The following ZCWPW2 variants were observed in gnomAD, a reference collection of about 807,000 sequenced individuals.
ZCWPW2 encodes the protein zinc finger CW-type and PWWP domain containing 2, also known as zinc finger CW-type PWWP domain protein 2.
In ZCWPW2, 45 loss-of-function variants were observed where a neutral mutation model predicts 46.6. The observed-to-expected ratio is 0.96, with a 90% CI of 0.76 to 1.24. The LOEUF is 1.24. Among genes scored for constraint, ZCWPW2 ranks in the 50% most tolerant of loss-of-function variants. ZCWPW2 has a pLI of 0.00. For synonymous variants in ZCWPW2, 152 were observed against 137.1 expected (o/e 1.11, Z -0.76); for missense variants, 429 against 403.9 (o/e 1.06, Z -0.53).
chr3:28,506,090 T>TC (rs1700267878), intron 6 of ZCWPW2, among the ~76,000 whole-genome samples: 1 of 147,166 alleles, frequency 6.8e-6, no homozygotes, highest in Non-Finnish European at 1.5e-5. Flanking sequence ...ATATATTATA[T>TC]ATATAATATA....
rs138057462 is a variant in ZCWPW2 at position 28,514,068 on chromosome 3, A to C, written c.662A>C (p.Gln221Pro). Reference protein sequence around the residue: ...KVAALVKKRKQTSKNNIEKKK... With the variant: ...KVAALVKKRKPTSKNNIEKKK... ...ATTTTTGTTTTTGTGTTATAGAAGCAGACTTCTAAAAATAATATTGAAAAG... is the reference window on the plus strand; with the variant it reads ...ATTTTTGTTTTTGTGTTATAGAAGCCGACTTCTAAAAATAATATTGAAAAG... The change falls in exon 7 of 10, where the codon CAG (glutamine) becomes CCG (proline). Residue 221 changes from glutamine to proline, a missense_variant. Physicochemically the swap from Gln to Pro is moderately conservative, Grantham distance 76. Coordinates refer to ENST00000383768, the MANE Select transcript of ZCWPW2 (RefSeq NM_001040432.4). 6.6e-7 allele frequency: 1 copy of C among 1,510,100 alleles called. No homozygotes were observed. Among genetic ancestry groups the C allele is most frequent in the South Asian group, 1.2e-5 (1 of 84,600 alleles). 93.5% of individuals were successfully genotyped at this position (1,510,100 alleles called of 1,614,324 possible). A position where few individuals can be genotyped will look rare whatever the true frequency, so the allele number is the denominator to read the frequency against.
chr3:28,369,182 C>T (rs1480510065), intron 1 of ZCWPW2, among the ~76,000 whole-genome samples: 1 of 152,198 alleles, frequency 6.6e-6, no homozygotes, highest in Admixed American at 6.5e-5. Context: ...CTCCATCCAG[C>T]GTTGTTCCGT....
intron 8 of ZCWPW2, among the ~76,000 whole-genome samples, chr3:28,517,307 A>G (rs1402999964): frequency 1.3e-5 from 2 of 152,222 alleles, no homozygotes; most frequent in Non-Finnish European, 2.9e-5. Context: ...TGGGTAATTT[A>G]TAAGAAAAGA....
intron 2 of ZCWPW2, among the ~76,000 whole-genome samples, chr3:28,402,371 A>G (rs1180826510): frequency 6.6e-6 from 1 of 152,176 alleles, no homozygotes; most frequent in Non-Finnish European, 1.5e-5. Context: ...GTTAGCTTAA[A>G]TCAGGAAGAA....
chr3:28,475,891 G>A (rs888000516), intron 4 of ZCWPW2, among the ~76,000 whole-genome samples: 6 of 151,976 alleles, frequency 3.9e-5, no homozygotes, highest in Non-Finnish European at 8.8e-5. Flanking sequence ...TTATTACAGA[G>A]CACTTATCAC....
At chr3:28,499,161 C>A (rs1700077244) in intron 6 of ZCWPW2, among the ~76,000 whole-genome samples, 1 of 152,028 alleles carries the variant, frequency 6.6e-6, no homozygotes. Flanking sequence ...GGGTATATAC[C>A]CAGTACTGGG....
At chr3:28,358,978 CAGAGA>C (rs1264810712) in intron 1 of ZCWPW2, among the ~76,000 whole-genome samples, 3 of 152,078 alleles carry the variant, frequency 2.0e-5, no homozygotes, top group Admixed American at 1.3e-4. Context: ...GTTTAAAGAT[CAGAGA>C]AAAGACTGAA....
chr3:28,438,553 G>A (rs575465830), intron 4 of ZCWPW2, among the ~76,000 whole-genome samples: 3 of 152,150 alleles, frequency 2.0e-5, no homozygotes, highest in Non-Finnish European at 4.4e-5. Context: ...ACAGCAAATT[G>A]TGGGGAAGAT....
intron 3 of ZCWPW2, among the ~76,000 whole-genome samples, chr3:28,431,819 A>G (rs1393074031): frequency 6.6e-6 from 1 of 152,194 alleles, no homozygotes; most frequent in East Asian, 1.9e-4. Context: ...GCTAATAAAG[A>G]CATACTTGAG....
intron 4 of ZCWPW2, among the ~76,000 whole-genome samples, chr3:28,460,061 C>A (rs1698567700): frequency 6.6e-6 from 1 of 152,026 alleles, no homozygotes; most frequent in Non-Finnish European, 1.5e-5. Context: ...CAGGGAGTAC[C>A]CAGTTAGGAA....
At chr3:28,466,436 G>A (rs1277101685) in intron 4 of ZCWPW2, among the ~76,000 whole-genome samples, 1 of 152,138 alleles carries the variant, frequency 6.6e-6, no homozygotes, top group African/African-American at 2.4e-5. Context: ...TAATACACTG[G>A]TGTAAGCCTA....
intron 9 of ZCWPW2, among the ~76,000 whole-genome samples, chr3:28,521,734 T>C (rs1471004421): frequency 6.6e-6 from 1 of 152,142 alleles, no homozygotes; most frequent in Non-Finnish European, 1.5e-5. Flanking sequence ...AGAGCAGCGA[T>C]GTGGTAGGTA....
At chr3:28,375,631 T>C (rs980861338) in intron 1 of ZCWPW2, among the ~76,000 whole-genome samples, 1 of 152,076 alleles carries the variant, frequency 6.6e-6, no homozygotes, top group African/African-American at 2.4e-5. Flanking sequence ...ATCCTTTGAG[T>C]TACCTATAAT....
At chr3:28,423,666 C>T (rs1344560555) in intron 3 of ZCWPW2, among the ~76,000 whole-genome samples, 1 of 151,902 alleles carries the variant, frequency 6.6e-6, no homozygotes, top group Non-Finnish European at 1.5e-5. Context: ...GCGCCCGGCC[C>T]CTGTGAGCTT....
At position 28,371,058 on chromosome 3, in the gene ZCWPW2, A is replaced by G. The variant is rs1705318129; in HGVS notation, c.-133-19440A>G. On this transcript the variant is annotated intron_variant, in intron 1 of 9. Transcript: ENST00000383768. ...ATTTTTTTTTTAACTATAATTAGTT[A>G]CAGAGTTATGTTTCCTTTAAACATC... Among the ~76,000 whole-genome samples the G allele has an allele frequency of 2.0e-5, 3 of 152,170 alleles. No homozygotes were observed. The South Asian group carries it at 6.2e-4, about 31-fold the overall frequency.
chr3:28,485,738 T>C (rs1234762235), intron 5 of ZCWPW2, among the ~76,000 whole-genome samples: 1 of 152,198 alleles, frequency 6.6e-6, no homozygotes, highest in Admixed American at 6.5e-5. Context: ...TAGCATGATA[T>C]ATTTTTTCTT....
intron 6 of ZCWPW2, among the ~76,000 whole-genome samples, chr3:28,511,868 T>C (rs757241274): frequency 5.3e-5 from 8 of 152,200 alleles, no homozygotes; most frequent in Non-Finnish European, 1.2e-4. Context: ...GTAGTAGCTC[T>C]TTCAGCAAAG....
intron 1 of ZCWPW2, among the ~76,000 whole-genome samples, chr3:28,355,874 C>G (rs1704712662): frequency 6.6e-6 from 1 of 152,170 alleles, no homozygotes; most frequent in African/African-American, 2.4e-5. Context: ...GTTTAAATGT[C>G]AGTCCTAAAA....
chr3:28,362,902 T>C (rs1704995112), intron 1 of ZCWPW2, among the ~76,000 whole-genome samples: 1 of 152,122 alleles, frequency 6.6e-6, no homozygotes, highest in Non-Finnish European at 1.5e-5. Flanking sequence ...TGAGATGACA[T>C]CCTTTGCAGG....
Sources: gnomAD v4.1 joint callset for allele counts (sites outside exome capture counted in the v4.1 genomes callset) on GRCh38, gnomAD v4.1.1 for gene constraint, MANE v1.5 for transcripts, NCBI Gene and HGNC (gene_info 2026-07-23, HGNC 2026-07-21) for gene names.